KDM1A: variants seen among roughly 807,000 people sequenced by gnomAD.
KDM1A encodes the protein lysine-specific histone demethylase 1A.
In KDM1A, 49 loss-of-function variants were observed where a neutral mutation model predicts 109.4. The ratio of observed to expected loss-of-function variants is 0.45; its 90% CI spans 0.36 to 0.57. The LOEUF is 0.57. KDM1A is among the 20% of genes least tolerant of loss of function. The probability of loss-of-function intolerance (pLI) is 0.00; values close to 1 mark genes in which losing one functional copy is unlikely to be tolerated. For synonymous variants in KDM1A, 380 were observed against 415.4 expected (o/e 0.91, Z 1.04); for missense variants, 668 against 1,116.6 (o/e 0.60, Z 5.73).
intron 15 of KDM1A, among the ~76,000 whole-genome samples, chr1:23,074,818 G>A (rs1273036790): frequency 6.6e-6 from 1 of 152,050 alleles, no homozygotes; most frequent in Non-Finnish European, 1.5e-5. Flanking sequence ...CATTTGTCTT[G>A]GCACCTTTGT....
chr1:23,055,266 G>A (rs1249078333), intron 6 of KDM1A, 105 bp downstream of exon 6: 1 of 488,792 alleles, frequency 2.0e-6, no homozygotes, highest in Non-Finnish European at 3.5e-6. Flanking sequence ...TGATTCATAA[G>A]ACTATATTTA....
chr1:23,078,454 C>T (rs1211402632), intron 16 of KDM1A, among the ~76,000 whole-genome samples: 1 of 152,200 alleles, frequency 6.6e-6, no homozygotes, highest in Admixed American at 6.5e-5. Context: ...TCAGTACCCT[C>T]TCTGAGGTCA....
intron 5 of KDM1A, 89 bp from the exon 6 acceptor site, chr1:23,054,980 G>T: frequency 1.3e-6 from 1 of 797,746 alleles, no homozygotes. Context: ...TGGTTTTAAG[G>T]ACTTCATGAT....
intron 1 of KDM1A, among the ~76,000 whole-genome samples, chr1:23,030,214 T>G (rs1016484391): frequency 6.6e-6 from 1 of 152,216 alleles, no homozygotes; most frequent in Non-Finnish European, 1.5e-5. Context: ...GTAGAGAGCC[T>G]TAGAGTCAAT....
chr1:23,046,033 T>A (rs2124436483), intron 3 of KDM1A, among the ~76,000 whole-genome samples: 1 of 152,296 alleles, frequency 6.6e-6, no homozygotes, highest in Non-Finnish European at 1.5e-5. Context: ...ATCCTAAATC[T>A]TAGAGCTAGA....
At chr1:23,033,383 G>A (rs1183116408) in intron 2 of KDM1A, among the ~76,000 whole-genome samples, 1 of 152,072 alleles carries the variant, frequency 6.6e-6, no homozygotes, top group African/African-American at 2.4e-5. Flanking sequence ...TTAGCCAGGT[G>A]TAGTGGCACG....
chr1:23,058,701 C>T (rs1334711851), intron 8 of KDM1A, among the ~76,000 whole-genome samples: 2 of 152,044 alleles, frequency 1.3e-5, no homozygotes, highest in Non-Finnish European at 2.9e-5. Context: ...GAATATTATA[C>T]GATGAGAAAT....
chr1:23,033,219 C>T (rs1276189760), intron 2 of KDM1A, among the ~76,000 whole-genome samples: 1 of 152,174 alleles, frequency 6.6e-6, no homozygotes, highest in Admixed American at 6.5e-5. Context: ...AAGGCAATCA[C>T]TAGAAATTAT....
At chr1:23,022,648 CTTTTTTTT>C (rs58124287) in intron 1 of KDM1A, among the ~76,000 whole-genome samples, 40 of 36,850 alleles carry the variant, frequency 1.1e-3, no homozygotes, top group African/African-American at 2.4e-3. Context: ...CCTTCTTCTT[CTTTTTTTT>C]TTTTTTTTTT....
At chr1:23,040,806 T>TA (rs540938162) in intron 2 of KDM1A, among the ~76,000 whole-genome samples, 134 of 152,212 alleles carry the variant, frequency 8.8e-4, no homozygotes, top group African/African-American at 3.0e-3. Flanking sequence ...ATTAAAAAAT[T>TA]AAAAAGAGTC....
intron 16 of KDM1A, among the ~76,000 whole-genome samples, chr1:23,077,855 A>G (rs1643510087): frequency 1.3e-5 from 2 of 152,164 alleles, no homozygotes; most frequent in Non-Finnish European, 2.9e-5. Context: ...ATTTGGGCTA[A>G]TTCGCTTACG....
At chr1:23,059,775 AAGTG>A (rs1642947782) in intron 9 of KDM1A, among the ~76,000 whole-genome samples, 1 of 152,196 alleles carries the variant, frequency 6.6e-6, no homozygotes, top group Non-Finnish European at 1.5e-5. Context: ...AATTTTTTAC[AAGTG>A]AGTGAAATTC....
At chr1:23,026,393 T>C (rs997584434) in intron 1 of KDM1A, among the ~76,000 whole-genome samples, 1 of 52,772 alleles carries the variant, frequency 1.9e-5, no homozygotes, top group Admixed American at 1.2e-4. Context: ...TTTGTCTGTT[T>C]GTTTTTTTTT....
At chr1:23,071,876 T>C (rs1430091371) in intron 13 of KDM1A, among the ~76,000 whole-genome samples, 1 of 152,176 alleles carries the variant, frequency 6.6e-6, no homozygotes, top group Non-Finnish European at 1.5e-5. Flanking sequence ...AGCACACTAG[T>C]ATGTTTCTTC....
chr1:23,054,792 A>G (rs937071197), intron 5 of KDM1A, among the ~76,000 whole-genome samples: 1 of 151,820 alleles, frequency 6.6e-6, no homozygotes, highest in Non-Finnish European at 1.5e-5. Context: ...ATACATGGCT[A>G]ATTTTTTGTT....
intron 18 of KDM1A, among the ~76,000 whole-genome samples, chr1:23,080,404 A>G (rs985422441): frequency 2.0e-5 from 3 of 151,856 alleles, no homozygotes; most frequent in Non-Finnish European, 2.9e-5. Context: ...TTGCAAACCT[A>G]TTTACTTTTT....
In KDM1A at chr1:23,083,204, GA is replaced by G; in HGVS notation, c.2472del (p.Glu825AsnfsTer16). Reference protein sequence around the residue: ...PQPIPRLFFAGEHTIRNYPAT... With the variant: ...PQPIPRLFFAXEHTIRNYPAT... ...CCGATTCCACGACTCTTCTTTGCGG[GA>G]GAACATACGATCCGTAACTACCCAG... On this transcript the variant is annotated frameshift_variant, in exon 21 of 21. Transcript: ENST00000400181. LOFTEE classifies it high-confidence loss of function. 6.2e-7 allele frequency: 1 copy of G among 1,611,852 alleles called. No homozygotes were observed. Among genetic ancestry groups the G allele is most frequent in the Non-Finnish European group, 8.5e-7 (1 of 1,178,380 alleles).
At chr1:23,037,488 A>T (rs1028753876) in intron 2 of KDM1A, among the ~76,000 whole-genome samples, 1 of 152,184 alleles carries the variant, frequency 6.6e-6, no homozygotes, top group South Asian at 2.1e-4. Flanking sequence ...GTATAAATAC[A>T]TTGCAGAATG....
chr1:23,024,361 TA>T (rs917983085), intron 1 of KDM1A, among the ~76,000 whole-genome samples: 7 of 152,276 alleles, frequency 4.6e-5, no homozygotes, highest in Admixed American at 6.5e-5. Flanking sequence ...ATTTAAGGAA[TA>T]AAAAGCAAGC....
Sources: gnomAD v4.1 joint callset for allele counts (sites outside exome capture counted in the v4.1 genomes callset) on GRCh38, gnomAD v4.1.1 for gene constraint, MANE v1.5 for transcripts, NCBI Gene and HGNC (gene_info 2026-07-23, HGNC 2026-07-21) for gene names.